Variants in ODAD1 observed in about 807,000 individuals in gnomAD.
ODAD1 encodes outer dynein arm docking complex subunit 1.
ODAD1 carries 49 observed loss-of-function variants against 67.2 expected under a neutral mutation model. The observed-to-expected ratio is 0.73, with a 90% CI of 0.58 to 0.92. ODAD1 has a LOEUF of 0.92. ODAD1 is among the 40% of genes least tolerant of loss of function. The probability of loss-of-function intolerance (pLI) is 0.00; values close to 1 mark genes in which losing one functional copy is unlikely to be tolerated. For synonymous variants in ODAD1, 345 were observed against 393.7 expected, an observed-to-expected ratio of 0.88 and a Z score of 1.46; for missense variants, 897 against 953.7, an observed-to-expected ratio of 0.94 and a Z score of 0.78.
intron 13 of ODAD1, 39 bp downstream of exon 13, chr19:48,298,138 G>T: frequency 6.2e-7 from 1 of 1,611,770 alleles, no homozygotes. Flanking sequence ...GGCCACCCCC[G>T]AGACCGGCCT....
At position 48,320,331 on chromosome 19, in the gene ODAD1, T is replaced by C. The variant is rs745468139; in HGVS notation, c.38A>G (p.Glu13Gly). ...LGRLAGSARS[E>G]EGSEAFLEGM... ...CTCCAGAAATGCCTCGCTTCCCTCC[T>C]CGGAGCGGGCGCTCCCTGCCAAGCG... Residue 13 changes from glutamate (E) to glycine (G), a missense_variant, in exon 3 of 16, where the codon GAG (glutamate) becomes GGG (glycine). Physicochemically the swap from Glu to Gly is moderately conservative, Grantham distance 98. Transcript: ENST00000674294. 1.5e-4 allele frequency: 188 copies of C among 1,289,222 alleles called. No homozygotes were observed. The highest frequency in any genetic ancestry group is 1.8e-4 in the Non-Finnish European group (180 of 988,462). The allele number at this position is 1,289,222 out of a possible 1,614,324, so 79.9% of individuals were successfully genotyped here.
rs181862119 is a variant in ODAD1, at chr19:48,320,281, A to C, written c.70+18T>G. 6.1e-4 allele frequency: 771 copies of C among 1,254,316 alleles called. 1 individual carries two copies. Among genetic ancestry groups the C allele is most frequent in the Non-Finnish European group, 7.9e-4 (754 of 957,602 alleles). 77.7% of individuals were successfully genotyped at this position (1,254,316 alleles called of 1,614,324 possible). A position where few individuals can be genotyped will look rare whatever the true frequency, so the allele number is the denominator to read the frequency against. ...CTGGAAAAGAATGGGTGAATGATAT[A>C]AAGAATGAATGAATTACCCATTCCC... On this transcript the variant is annotated intron_variant, in intron 3 of 15. Coordinates refer to ENST00000674294, the MANE Select transcript of ODAD1 (RefSeq NM_001364171.2).
chr19:48,317,519 G>A (rs1968929932), intron 5 of ODAD1, among the ~76,000 whole-genome samples: 1 of 152,152 alleles, frequency 6.6e-6, no homozygotes, highest in South Asian at 2.1e-4. Context: ...TCCGATGGCA[G>A]AGCCAGGACT....
chr19:48,321,342 A>T (rs1444203221), intron 1 of ODAD1, among the ~76,000 whole-genome samples: 1 of 151,912 alleles, frequency 6.6e-6, no homozygotes, highest in South Asian at 2.1e-4. Context: ...TGAGAGGTGC[A>T]CGGCTGTGAG....
chr19:48,311,573 C>A lies in ODAD1; in HGVS notation c.577G>T (p.Val193Leu). The A allele has an allele frequency of 6.5e-7, 1 of 1,549,924 alleles. No homozygotes were observed. The highest frequency in any genetic ancestry group is 8.7e-7 in the Non-Finnish European group (1 of 1,145,540). Residue 193 changes from valine (V) to leucine (L), a missense_variant, in exon 7 of 16, where the codon GTG becomes TTG. Val to Leu is a conservative substitution (Grantham distance 32). Coordinates refer to ENST00000674294, the MANE Select transcript of ODAD1 (RefSeq NM_001364171.2). Reference sequence around the variant, plus strand: ...CTGACCTTCTTCAGCTTGCGGTCCACGTTCAGATAGCGGTTCCTGTCGATC... The same window carrying A: ...CTGACCTTCTTCAGCTTGCGGTCCAAGTTCAGATAGCGGTTCCTGTCGATC... ...LRIDRNRYLN[V>L]DRKLKKEIHH... is the part of the protein sequence containing the mutation.
chr19:48,306,818 G>A (rs771647800), intron 7 of ODAD1, among the ~76,000 whole-genome samples: 1 of 151,992 alleles, frequency 6.6e-6, no homozygotes, highest in East Asian at 1.9e-4. Context: ...AGGACGAGGC[G>A]GGCAGATCAC....
chr19:48,308,930 C>A (rs1271113897), intron 7 of ODAD1, among the ~76,000 whole-genome samples: 1 of 151,932 alleles, frequency 6.6e-6, no homozygotes, highest in Non-Finnish European at 1.5e-5. Flanking sequence ...GAGCAGGCAG[C>A]AGCCGGGGAC....
chr19:48,315,531 G>A (rs566627251), intron 5 of ODAD1, among the ~76,000 whole-genome samples: 47 of 152,262 alleles, frequency 3.1e-4, no homozygotes, highest in African/African-American at 1.1e-3. Flanking sequence ...GTGACAGAGC[G>A]AGACTCCATC....
Position 48,320,282 on chromosome 19 carries a change from A to T in ODAD1, c.70+17T>A. The T allele has an allele frequency of 8.0e-7, 1 of 1,253,396 alleles. No homozygotes were observed. Among genetic ancestry groups the T allele is most frequent in the Non-Finnish European group, 1.0e-6 (1 of 956,774 alleles). The allele number at this position is 1,253,396 out of a possible 1,614,324, so 77.6% of individuals were successfully genotyped here. On this transcript the variant is annotated intron_variant, in intron 3 of 15. Coordinates refer to ENST00000674294, the MANE Select transcript of ODAD1 (RefSeq NM_001364171.2). ...TGGAAAAGAATGGGTGAATGATATA[A>T]AGAATGAATGAATTACCCATTCCCT...
chr19:48,297,766 C>T (rs959770785), intron 14 of ODAD1, 98 bp from the exon 15 acceptor site: 2 of 1,126,538 alleles, frequency 1.8e-6, no homozygotes, highest in Non-Finnish European at 2.4e-6. Context: ...GCCATTCTCC[C>T]ACCAGCCCCG....
At chr19:48,312,786 T>C (rs1968800170) in intron 5 of ODAD1, among the ~76,000 whole-genome samples, 1 of 152,166 alleles carries the variant, frequency 6.6e-6, no homozygotes, top group African/African-American at 2.4e-5. Context: ...ACTTCTCCTG[T>C]CATGGCCCCA....
At chr19:48,304,257 T>A in intron 8 of ODAD1, 117 bp from the exon 9 acceptor site, 1 of 1,049,216 alleles carries the variant, frequency 9.5e-7, no homozygotes, top group Non-Finnish European at 1.3e-6. Flanking sequence ...TCAGCTGGTG[T>A]CCCAGATGGG....
intron 12 of ODAD1, among the ~76,000 whole-genome samples, chr19:48,299,094 A>G (rs1182353468): frequency 6.6e-6 from 1 of 152,222 alleles, no homozygotes; most frequent in Non-Finnish European, 1.5e-5. Context: ...ACCAAGGTTC[A>G]CAATTGGTGG....
At chr19:48,300,848 C>A (rs545471715) in intron 12 of ODAD1, among the ~76,000 whole-genome samples, 1 of 152,290 alleles carries the variant, frequency 6.6e-6, no homozygotes, top group Non-Finnish European at 1.5e-5. Context: ...GGCTGACGGC[C>A]AGGCACGGGG....
intron 7 of ODAD1, among the ~76,000 whole-genome samples, chr19:48,310,314 C>T (rs1968723860): frequency 6.6e-6 from 1 of 152,084 alleles, no homozygotes; most frequent in African/African-American, 2.4e-5. Flanking sequence ...TCCAAAATGT[C>T]AACGTCATGG....
chr19:48,313,143 T>C (rs1001762331), intron 5 of ODAD1, among the ~76,000 whole-genome samples: 1 of 152,154 alleles, frequency 6.6e-6, no homozygotes, highest in Admixed American at 6.5e-5. Context: ...AAAACTCATA[T>C]GTTGGCCGGG....
In ODAD1 at chr19:48,320,360, C is replaced by T; in HGVS notation, c.9G>A (p.Leu3=). MP[L]GRLAGSARSE... ...AGCGGGCGCTCCCTGCCAAGCGTCC[C>T]AAAGGCATCCTGGCCAAACAGGGTG... The change falls in exon 3 of 16, where the codon TTG becomes TTA. Residue 3 remains leucine, a synonymous_variant. Coordinates refer to ENST00000674294, the MANE Select transcript of ODAD1 (RefSeq NM_001364171.2). The T allele has an allele frequency of 7.8e-7, 1 of 1,288,974 alleles. No individual in the cohort carries two copies. 79.8% of individuals were successfully genotyped at this position (1,288,974 alleles called of 1,614,324 possible). A position where few individuals can be genotyped will look rare whatever the true frequency, so the allele number is the denominator to read the frequency against.
At chr19:48,313,768 T>C (rs1600871077) in intron 5 of ODAD1, among the ~76,000 whole-genome samples, 1 of 152,024 alleles carries the variant, frequency 6.6e-6, no homozygotes, top group East Asian at 1.9e-4. Context: ...CCTGTAGTCC[T>C]AGCTACTTGG....
chr19:48,311,369 C>CT (rs1307435723), intron 7 of ODAD1, among the ~76,000 whole-genome samples, 184 bp downstream of exon 7: 1 of 152,146 alleles, frequency 6.6e-6, no homozygotes, highest in South Asian at 2.1e-4. Flanking sequence ...AATGAGGCCA[C>CT]TTTTTTGTTG....
Sources: gnomAD v4.1 joint callset for allele counts (sites outside exome capture counted in the v4.1 genomes callset) on GRCh38, gnomAD v4.1.1 for gene constraint, MANE v1.5 for transcripts, NCBI Gene and HGNC (gene_info 2026-07-23, HGNC 2026-07-21) for gene names.